The following DENND5B variants were observed in gnomAD, a reference collection of about 807,000 sequenced individuals.
The protein encoded by DENND5B is DENN domain-containing protein 5B.
DENND5B carries 34 observed loss-of-function variants against 140.6 expected under a neutral mutation model. The observed-to-expected ratio is 0.24, with a 90% CI of 0.18 to 0.32. The LOEUF is 0.32. Among genes scored for constraint, DENND5B ranks in the 10% least tolerant of loss-of-function variants. DENND5B has a pLI of 1.00. For missense variants in DENND5B, 1,142 were observed against 1,560.2 expected, an observed-to-expected ratio of 0.73 and a Z score of 4.52; for synonymous variants, 551 against 562.1, an observed-to-expected ratio of 0.98 and a Z score of 0.28.
intron 6 of DENND5B, among the ~76,000 whole-genome samples, chr12:31,444,980 C>A (rs369751666): frequency 1.1e-3 from 173 of 152,312 alleles, no homozygotes; most frequent in Non-Finnish European, 2.0e-3. Flanking sequence ...CATCATCATT[C>A]CTGACTTTGA....
At chr12:31,412,636 A>G (rs756913644) in intron 13 of DENND5B, among the ~76,000 whole-genome samples, 39 of 152,306 alleles carry the variant, frequency 2.6e-4, no homozygotes, top group Non-Finnish European at 5.0e-4. Context: ...GGTTCCTAAC[A>G]GACCACAGAC....
intron 3 of DENND5B, among the ~76,000 whole-genome samples, chr12:31,472,404 G>C (rs2138431497): frequency 6.6e-6 from 1 of 152,246 alleles, no homozygotes; most frequent in Admixed American, 6.5e-5. Context: ...CGATTCTCCT[G>C]CCTCAGCCTC....
intron 1 of DENND5B, among the ~76,000 whole-genome samples, chr12:31,504,397 T>C (rs1947116920): frequency 1.3e-5 from 2 of 152,134 alleles, no homozygotes; most frequent in African/African-American, 4.8e-5. Flanking sequence ...CAAAGGAATA[T>C]GAGATCTGGC....
At chr12:31,507,606 T>C (rs1024184166) in intron 1 of DENND5B, among the ~76,000 whole-genome samples, 1 of 152,172 alleles carries the variant, frequency 6.6e-6, no homozygotes, top group Non-Finnish European at 1.5e-5. Flanking sequence ...GTCATACTAA[T>C]AATAAAATTT....
At chr12:31,512,260 T>A (rs1254869372) in intron 1 of DENND5B, among the ~76,000 whole-genome samples, 1 of 151,686 alleles carries the variant, frequency 6.6e-6, no homozygotes. Flanking sequence ...GTGACCCGGG[T>A]TGGCATGTGG....
intron 1 of DENND5B, among the ~76,000 whole-genome samples, chr12:31,584,892 G>A (rs769858561): frequency 7.5e-6 from 1 of 132,948 alleles, no homozygotes; most frequent in Non-Finnish European, 1.5e-5. Context: ...GCTATACTAC[G>A]CAAGAGGCAT....
chr12:31,454,821 T>C (rs1438930644), intron 4 of DENND5B, among the ~76,000 whole-genome samples: 1 of 91,446 alleles, frequency 1.1e-5, no homozygotes, highest in South Asian at 3.5e-4. Flanking sequence ...TCTTTTTTTT[T>C]TTTTTTTTTT....
At chr12:31,473,243 C>T (rs548910815) in intron 3 of DENND5B, among the ~76,000 whole-genome samples, 1 of 152,322 alleles carries the variant, frequency 6.6e-6, no homozygotes, top group South Asian at 2.1e-4. Context: ...AACACAGTGG[C>T]TTACAGCCTT....
At chr12:31,579,954 A>C (rs1047802457) in intron 1 of DENND5B, among the ~76,000 whole-genome samples, 1 of 149,206 alleles carries the variant, frequency 6.7e-6, no homozygotes, top group Non-Finnish European at 1.5e-5. Context: ...GGAGAGTATA[A>C]ACAGAAAAAA....
At chr12:31,569,190 C>T (rs1949731215) in intron 1 of DENND5B, among the ~76,000 whole-genome samples, 1 of 151,224 alleles carries the variant, frequency 6.6e-6, no homozygotes, top group South Asian at 2.1e-4. Context: ...CCTCAGCCTA[C>T]CGAGTAGCTG....
At chr12:31,498,422 T>G (rs1250199715) in intron 1 of DENND5B, among the ~76,000 whole-genome samples, 1 of 152,104 alleles carries the variant, frequency 6.6e-6, no homozygotes, top group Non-Finnish European at 1.5e-5. Flanking sequence ...TTGCACCTTC[T>G]TGACACACAA....
chr12:31,388,497 A>G (rs1415365963), intron 20 of DENND5B, among the ~76,000 whole-genome samples: 1 of 152,182 alleles, frequency 6.6e-6, no homozygotes, highest in South Asian at 2.1e-4. Flanking sequence ...CACATCTTCA[A>G]TGTTTCCTGA....
chr12:31,584,606 G>A (rs1950329683), intron 1 of DENND5B, among the ~76,000 whole-genome samples: 1 of 152,028 alleles, frequency 6.6e-6, no homozygotes, highest in East Asian at 1.9e-4. Context: ...CTTGAGCTCA[G>A]GAGTTTGAGA....
chr12:31,548,861 A>T (rs1948945722), intron 1 of DENND5B, among the ~76,000 whole-genome samples: 1 of 152,180 alleles, frequency 6.6e-6, no homozygotes, highest in Non-Finnish European at 1.5e-5. Context: ...TCCTTTTGGC[A>T]TAACATCAAT....
chr12:31,473,619 A>T (rs1399622197), intron 3 of DENND5B, among the ~76,000 whole-genome samples: 1 of 152,202 alleles, frequency 6.6e-6, no homozygotes, highest in Non-Finnish European at 1.5e-5. Flanking sequence ...GACAACTATC[A>T]GGGTGCTGGA....
At chr12:31,450,328 C>A (rs1944457573) in intron 5 of DENND5B, among the ~76,000 whole-genome samples, 1 of 151,374 alleles carries the variant, frequency 6.6e-6, no homozygotes, top group African/African-American at 2.4e-5. Context: ...ATATCATCCT[C>A]CAACAGAAAA....
intron 13 of DENND5B, among the ~76,000 whole-genome samples, chr12:31,409,885 C>T (rs1393363076): frequency 2.0e-5 from 3 of 152,106 alleles, no homozygotes; most frequent in Non-Finnish European, 4.4e-5. Context: ...ATCCTCCTGC[C>T]TCAGTCTCCC....
chr12:31,448,364 T>A (rs1251765169), intron 5 of DENND5B, among the ~76,000 whole-genome samples: 7 of 152,066 alleles, frequency 4.6e-5, no homozygotes, highest in African/African-American at 1.7e-4. Flanking sequence ...CTCGATCTCC[T>A]GACCTCATGC....
chr12:31,430,347 A>C (rs1264899188), intron 8 of DENND5B, among the ~76,000 whole-genome samples: 5 of 151,476 alleles, frequency 3.3e-5, no homozygotes, highest in Non-Finnish European at 7.4e-5. Context: ...AAAGTCAATT[A>C]CTGGATTAAA....
Sources: allele counts gnomAD v4.1 joint callset (sites outside exome capture counted in the v4.1 genomes callset), GRCh38; gene constraint gnomAD v4.1.1; transcripts MANE v1.5; gene names NCBI Gene and HGNC (gene_info 2026-07-23, HGNC 2026-07-21).